The following IQCM variants were observed in gnomAD, a reference collection of about 807,000 sequenced individuals.
The protein encoded by IQCM is IQ domain-containing protein M.
Under a neutral mutation model 57.6 loss-of-function variants are expected in IQCM, and 45 were observed. The ratio of observed to expected loss-of-function variants is 0.78; its 90% CI spans 0.62 to 1.00. IQCM has a LOEUF of 1.00. Among genes scored for constraint, IQCM ranks in the 50% least tolerant of loss-of-function variants. The pLI is 0.00. For synonymous variants in IQCM, 148 were observed against 158.9 expected (o/e 0.93, Z 0.51); for missense variants, 468 against 511.6 (o/e 0.91, Z 0.82).
intron 5 of IQCM, among the ~76,000 whole-genome samples, chr4:149,729,475 TG>T (rs900230307): frequency 5.3e-5 from 8 of 151,818 alleles, no homozygotes; most frequent in African/African-American, 1.2e-4. Flanking sequence ...TTTTTTTTGT[TG>T]TTTTTTTTAC....
rs118027825 is a variant in IQCM at position 149,386,384 on chromosome 4, T to C, written c.1391-34318A>G. ...TAACAAACTCCATGTACTTATTACA[T>C]AGATCAGTTATCAATATTTTGCATT... On this transcript the variant is annotated intron_variant, in intron 13 of 13. Transcript: ENST00000636793. Among the ~76,000 whole-genome samples the C allele has an allele frequency of 2.7e-3, 417 of 152,234 alleles. 14 individuals are homozygous for C. In the East Asian group the frequency reaches 0.073, roughly 27 times the overall value.
rs1378326565 is a variant in IQCM, at chr4:149,582,674, T to C, written c.749+5256A>G. ...TCCTCAAATTCTCAAAGTCTATAATTCTGCAAAGACAGAACACACAAGTAG... is the reference window on the plus strand; with the variant it reads ...TCCTCAAATTCTCAAAGTCTATAATCCTGCAAAGACAGAACACACAAGTAG... On this transcript the variant is annotated intron_variant, in intron 9 of 13. Transcript: ENST00000636793. Among the ~76,000 whole-genome samples the C allele has an allele frequency of 2.0e-5, 3 of 151,506 alleles. No homozygotes were observed. In the Admixed American group the frequency reaches 2.0e-4, roughly 10 times the overall value.
chr4:149,424,616 T>C (rs956607205), intron 13 of IQCM, among the ~76,000 whole-genome samples: 6 of 151,890 alleles, frequency 4.0e-5, no homozygotes, highest in African/African-American at 1.2e-4. Flanking sequence ...ACTATATGAG[T>C]ATATTATACA....
intron 7 of IQCM, among the ~76,000 whole-genome samples, chr4:149,669,072 GA>G (rs1217041555): frequency 5.3e-5 from 8 of 152,166 alleles, no homozygotes; most frequent in African/African-American, 1.7e-4. Context: ...CACAATGGTT[GA>G]ATTAGTTTAC....
At chr4:149,708,526 A>G (rs925650537) in intron 5 of IQCM, among the ~76,000 whole-genome samples, 1 of 152,034 alleles carries the variant, frequency 6.6e-6, no homozygotes, top group African/African-American at 2.4e-5. Flanking sequence ...ATAAACCATT[A>G]TATGTGATAA....
chr4:149,583,737 A>T (rs1195657504), intron 9 of IQCM, among the ~76,000 whole-genome samples: 18 of 151,660 alleles, frequency 1.2e-4, no homozygotes. Flanking sequence ...AAATAAAAGA[A>T]CATGTCATCA....
intron 7 of IQCM, among the ~76,000 whole-genome samples, chr4:149,678,661 T>C (rs1761947624): frequency 6.6e-6 from 1 of 151,074 alleles, no homozygotes; most frequent in Admixed American, 6.6e-5. Context: ...TTGTATGCAA[T>C]CCACTAATAA....
chr4:149,363,802 C>T (rs1729654064), intron 13 of IQCM, among the ~76,000 whole-genome samples: 1 of 152,152 alleles, frequency 6.6e-6, no homozygotes, highest in African/African-American at 2.4e-5. Context: ...AACATAGCTA[C>T]TTAAATTGAA....
intron 12 of IQCM, among the ~76,000 whole-genome samples, chr4:149,460,359 T>G (rs920949690): frequency 1.6e-4 from 25 of 152,186 alleles, no homozygotes; most frequent in East Asian, 3.8e-4. Flanking sequence ...TCCCATTTTT[T>G]GGGTTGTCTT....
intron 12 of IQCM, among the ~76,000 whole-genome samples, chr4:149,438,986 G>A (rs1735644171): frequency 6.6e-6 from 1 of 151,732 alleles, no homozygotes; most frequent in Non-Finnish European, 1.5e-5. Flanking sequence ...ATAAAATGAG[G>A]TTATGAATTA....
intron 13 of IQCM, among the ~76,000 whole-genome samples, chr4:149,414,100 AG>A (rs1403750226): frequency 1.3e-5 from 2 of 152,166 alleles, no homozygotes; most frequent in Non-Finnish European, 2.9e-5. Flanking sequence ...GCCACACAAA[AG>A]AATTGGTTTG....
intron 12 of IQCM, among the ~76,000 whole-genome samples, chr4:149,463,979 G>T (rs923079661): frequency 1.3e-5 from 2 of 152,138 alleles, no homozygotes; most frequent in African/African-American, 4.8e-5. Context: ...ATGCTATTTT[G>T]AAAGAAAACT....
intron 12 of IQCM, among the ~76,000 whole-genome samples, chr4:149,460,627 T>C (rs528281350): frequency 4.6e-5 from 7 of 151,862 alleles, no homozygotes; most frequent in Non-Finnish European, 8.8e-5. Context: ...TCAATAGTAA[T>C]ATTTTGAAAG....
chr4:149,621,536 A>G (rs1756336601), intron 7 of IQCM, among the ~76,000 whole-genome samples: 1 of 152,320 alleles, frequency 6.6e-6, no homozygotes, highest in African/African-American at 2.4e-5. Context: ...CCTCATGAAG[A>G]ACATCAACTT....
intron 8 of IQCM, among the ~76,000 whole-genome samples, chr4:149,616,432 G>A (rs1351278714): frequency 2.0e-5 from 3 of 152,046 alleles, no homozygotes; most frequent in African/African-American, 7.2e-5. Context: ...GGGAATCAAG[G>A]GAGAGACGTA....
At chr4:149,735,080 G>A (rs1192052361) in intron 4 of IQCM, among the ~76,000 whole-genome samples, 1 of 152,118 alleles carries the variant, frequency 6.6e-6, no homozygotes, top group Non-Finnish European at 1.5e-5. Flanking sequence ...GGATATTTAT[G>A]TGACATGATA....
At chr4:149,412,463 T>C (rs1442634824) in intron 13 of IQCM, among the ~76,000 whole-genome samples, 1 of 152,164 alleles carries the variant, frequency 6.6e-6, no homozygotes, top group Non-Finnish European at 1.5e-5. Context: ...TTTCAAACCA[T>C]ATATTTGTTT....
intron 8 of IQCM, among the ~76,000 whole-genome samples, chr4:149,597,364 A>C (rs2150024669): frequency 6.6e-6 from 1 of 152,130 alleles, no homozygotes; most frequent in Admixed American, 6.6e-5. Context: ...AGATTTATAA[A>C]GTTTTTTCTT....
intron 8 of IQCM, among the ~76,000 whole-genome samples, chr4:149,596,343 T>C (rs1036140623): frequency 1.3e-5 from 2 of 152,162 alleles, no homozygotes; most frequent in African/African-American, 2.4e-5. Context: ...GGGAAAGTAA[T>C]GGAATTCCAT....
Sources: gnomAD v4.1 joint callset for allele counts (sites outside exome capture counted in the v4.1 genomes callset) on GRCh38, gnomAD v4.1.1 for gene constraint, MANE v1.5 for transcripts, NCBI Gene and HGNC (gene_info 2026-07-23, HGNC 2026-07-21) for gene names.